SLC18A1: variants seen among roughly 807,000 people sequenced by gnomAD.
SLC18A1 encodes the protein chromaffin granule amine transporter.
SLC18A1 carries 69 observed loss-of-function variants against 53.7 expected under a neutral mutation model. The ratio of observed to expected loss-of-function variants is 1.28; its 90% confidence interval spans 1.06 to 1.57. The LOEUF is 1.57. SLC18A1 is among the 40% of genes most tolerant of loss of function. The pLI is 0.00. For synonymous variants in SLC18A1, 320 were observed against 248.1 expected (o/e 1.29, Z -2.72); for missense variants, 932 against 668.1 (o/e 1.40, Z -4.35).
intron 10 of SLC18A1, among the ~76,000 whole-genome samples, chr8:20,157,533 A>G (rs533813524): frequency 2.0e-5 from 3 of 152,328 alleles, no homozygotes; most frequent in African/African-American, 7.2e-5. Flanking sequence ...TTACTCAGTG[A>G]TATCCATTAT....
chr8:20,164,393 G>A (rs932965597), intron 10 of SLC18A1, among the ~76,000 whole-genome samples: 13 of 152,170 alleles, frequency 8.5e-5, no homozygotes, highest in African/African-American at 3.1e-4. Context: ...AGGAGCTGAA[G>A]GGAGGAGAAT....
intron 2 of SLC18A1, 128 bp from the exon 3 acceptor site, chr8:20,179,612 A>G: frequency 8.0e-7 from 1 of 1,253,574 alleles, no homozygotes; most frequent in Non-Finnish European, 1.1e-6. Flanking sequence ...GGGGCTAAGG[A>G]CAGATGTCAT....
intron 14 of SLC18A1, 47 bp downstream of exon 14, chr8:20,147,556 T>G: frequency 6.2e-7 from 1 of 1,608,834 alleles, no homozygotes. Flanking sequence ...TTCCAGCTGG[T>G]AAAGAGTAGA....
In SLC18A1 at chr8:20,179,292, G is replaced by T; in HGVS notation, c.317C>A (p.Thr106Asn). ...GGCTGGAGGTGGGATGGTGCTGGCA[G>T]TGTCATTCATCCATGCTATTCCACT... ...VPSGIAWMNDTASTIPPPATE... is the reference protein window; with the variant it reads ...VPSGIAWMNDNASTIPPPATE... Residue 106 changes from threonine to asparagine, a missense_variant, in exon 3 of 16, where the codon ACT (threonine) becomes AAT (asparagine). Coordinates refer to ENST00000276373, the MANE Select transcript of SLC18A1 (RefSeq NM_003053.4). The T allele has an allele frequency of 6.2e-7, 1 of 1,614,208 alleles. No individual in the cohort carries two copies. Among genetic ancestry groups the T allele is most frequent in the Non-Finnish European group, 8.5e-7 (1 of 1,180,030 alleles).
At chr8:20,162,752 G>A (rs1312466052) in intron 10 of SLC18A1, among the ~76,000 whole-genome samples, 2 of 152,040 alleles carry the variant, frequency 1.3e-5, no homozygotes, top group Non-Finnish European at 2.9e-5. Flanking sequence ...TCAACATTCT[G>A]GTCACAACCT....
At position 20,145,801 on chromosome 8, in the gene SLC18A1, C is replaced by G. The variant is rs1168838897; in HGVS notation, c.1540G>C (p.Gly514Arg). 1.2e-6 allele frequency: 2 copies of G among 1,612,328 alleles called. No homozygotes were observed. Among genetic ancestry groups the G allele is most frequent in the Non-Finnish European group, 1.7e-6 (2 of 1,179,172 alleles). Residue 514 changes from glycine (G) to arginine (R), a missense_variant, in exon 16 of 16, where the codon GGG (glycine) becomes CGG (arginine). Gly to Arg is a moderately radical substitution (Grantham distance 125). Coordinates refer to ENST00000276373, the MANE Select transcript of SLC18A1 (RefSeq NM_003053.4). ...TQKPTKEFPLGEDSDEEPDHE... is the reference protein window; with the variant it reads ...TQKPTKEFPLREDSDEEPDHE... ...TCAGGCTCCTCATCACTGTCCTCCC[C>G]CAGAGGAAATTCCTTCGTGGGCTTC...
intron 6 of SLC18A1, among the ~76,000 whole-genome samples, chr8:20,171,745 G>C (rs1173491108): frequency 3.3e-5 from 5 of 151,912 alleles, no homozygotes; most frequent in African/African-American, 4.8e-5. Context: ...TGTGTAGGGA[G>C]GGACACAGAT....
Position 20,179,313 on chromosome 8 carries a change from C to G in SLC18A1, c.296G>C (p.Gly99Ala), listed in dbSNP as rs1428005147. 7.4e-6 allele frequency: 12 copies of G among 1,614,168 alleles called. No individual in the cohort carries two copies. Among genetic ancestry groups the G allele is most frequent in the Non-Finnish European group, 1.0e-5 (12 of 1,180,034 alleles). Residue 99 changes from glycine (G) to alanine (A), a missense_variant, in exon 3 of 16, where the codon GGA becomes GCA. Physicochemically the swap from Gly to Ala is moderately conservative, Grantham distance 60. Coordinates refer to ENST00000276373, the MANE Select transcript of SLC18A1 (RefSeq NM_003053.4). ...GGCAGTGTCATTCATCCATGCTATT[C>G]CACTAGGTACGCTTTCTTCAACAGC... ...TVAVEESVPS[G>A]IAWMNDTAST...
At chr8:20,165,374 G>C (rs3779671) in intron 8 of SLC18A1, among the ~76,000 whole-genome samples, 101,931 of 151,852 alleles carry the variant, frequency 0.67, 34,468 homozygotes, top group Middle Eastern at 0.71. Flanking sequence ...TGGTTCCTGC[G>C]TTCACGTGAC....
chr8:20,159,120 C>A (rs1387517544), intron 10 of SLC18A1, among the ~76,000 whole-genome samples: 1 of 152,108 alleles, frequency 6.6e-6, no homozygotes, highest in Non-Finnish European at 1.5e-5. Context: ...TGACTAAGAT[C>A]TACTACAGAC....
intron 10 of SLC18A1, among the ~76,000 whole-genome samples, chr8:20,160,442 A>G (rs1033053317): frequency 6.6e-5 from 10 of 151,814 alleles, no homozygotes; most frequent in Admixed American, 3.9e-4. Flanking sequence ...CAGAATATGT[A>G]TTTATAGATA....
chr8:20,149,665 C>A lies in SLC18A1; in HGVS notation c.1146+11G>T, dbSNP rs776602672. On this transcript the variant is annotated intron_variant, in intron 12 of 15. Transcript: ENST00000276373. ...CTCTCCTTCCCCTCCCCCAGGTCTT[C>A]TTATACTTACACAGAGCAAGCTGGT... 1.2e-6 allele frequency: 2 copies of A among 1,610,720 alleles called. No homozygotes were observed. The highest frequency in any genetic ancestry group is 1.7e-6 in the Non-Finnish European group (2 of 1,177,782).
intron 2 of SLC18A1, 32 bp downstream of exon 2, chr8:20,180,809 T>C (rs112399378): frequency 1.2e-5 from 20 of 1,612,046 alleles, no homozygotes; most frequent in Admixed American, 5.0e-5. Context: ...CCACAGCAAA[T>C]TAACCCTCAG....
chr8:20,178,494 C>T lies in SLC18A1; in HGVS notation c.489-1G>A. The stretch of plus-strand genomic sequence containing the variant: ...AAACATGGGGATATGATATCCAATC[C>T]TAAAAGGGAATTGAAAAAAAAAAAG... On this transcript the variant is annotated splice_acceptor_variant, in intron 3 of 15. Coordinates refer to ENST00000276373, the MANE Select transcript of SLC18A1 (RefSeq NM_003053.4). LOFTEE classifies it high-confidence loss of function. 1 of 1,584,614 alleles carries T rather than the reference C, an allele frequency of 6.3e-7. No individual in the cohort carries two copies. The highest frequency in any genetic ancestry group is 8.6e-7 in the Non-Finnish European group (1 of 1,163,312).
intron 10 of SLC18A1, among the ~76,000 whole-genome samples, chr8:20,162,697 C>T (rs904482771): frequency 6.6e-6 from 1 of 152,194 alleles, no homozygotes; most frequent in Non-Finnish European, 1.5e-5. Context: ...TTCCTCATTT[C>T]TATCTGAGAC....
At chr8:20,160,127 G>A (rs1164128604) in intron 10 of SLC18A1, among the ~76,000 whole-genome samples, 1 of 151,734 alleles carries the variant, frequency 6.6e-6, no homozygotes, top group African/African-American at 2.4e-5. Context: ...CTCTTCTATG[G>A]AGTAGAAGTA....
At chr8:20,152,011 G>C (rs1481479234) in intron 10 of SLC18A1, among the ~76,000 whole-genome samples, 1 of 152,174 alleles carries the variant, frequency 6.6e-6, no homozygotes, top group South Asian at 2.1e-4. Flanking sequence ...ATTTAATGTG[G>C]TGATATAGCA....
Position 20,180,850 on chromosome 8 carries a change from TA to T in SLC18A1, c.114del (p.Phe38LeufsTer63), listed in dbSNP as rs1250463696. On this transcript the variant is annotated frameshift_variant, in exon 2 of 16. Transcript: ENST00000276373. LOFTEE classifies it high-confidence loss of function. ...AGACCCACAAACGTACCCACCACAG[TA>T]AACAGCATGTTGTCCAGGAGCAAAG... ...FVALLLDNML[F>X]TVVVPIVPTF... The T allele has an allele frequency of 6.2e-7, 1 of 1,613,982 alleles. No homozygotes were observed. Among genetic ancestry groups the T allele is most frequent in the Non-Finnish European group, 8.5e-7 (1 of 1,179,882 alleles).
chr8:20,147,144 G>A, intron 15 of SLC18A1, 114 bp downstream of exon 15: 1 of 1,112,628 alleles, frequency 9.0e-7, no homozygotes, highest in East Asian at 2.5e-5. Flanking sequence ...AAAGCAGAGA[G>A]AGTATCAACA....
Sources: gnomAD v4.1 joint callset for allele counts (sites outside exome capture counted in the v4.1 genomes callset) on GRCh38, gnomAD v4.1.1 for gene constraint, MANE v1.5 for transcripts, NCBI Gene and HGNC (gene_info 2026-07-23, HGNC 2026-07-21) for gene names.